The following AGAP1 variants were observed in gnomAD, a reference collection of about 807,000 sequenced individuals.
AGAP1 encodes ArfGAP with GTPase domain, ankyrin repeat and PH domain 1, also known as arf-GAP with GTPase, ANK repeat and PH domain-containing protein 1.
A neutral mutation model predicts 105.3 loss-of-function variants in AGAP1; 29 were observed. The ratio of observed to expected loss-of-function variants is 0.28; its 90% CI spans 0.21 to 0.38. AGAP1 has a LOEUF of 0.38. Among genes scored for constraint, AGAP1 ranks in the 10% least tolerant of loss-of-function variants. The pLI is 1.00. For missense variants in AGAP1, 998 were observed against 1,165.1 expected (o/e 0.86, Z 2.09); for synonymous variants, 509 against 485.9 (o/e 1.05, Z -0.63).
intron 12 of AGAP1, among the ~76,000 whole-genome samples, chr2:235,935,367 T>C (rs1486631336): frequency 6.6e-6 from 1 of 152,228 alleles, no homozygotes; most frequent in Non-Finnish European, 1.5e-5. Flanking sequence ...CTTGAGCCTC[T>C]GCATTGAAAA....
At position 235,623,757 on chromosome 2, in the gene AGAP1, A is replaced by C. The variant is rs1574985152; in HGVS notation, c.164-85422A>C. Reference sequence around the variant, plus strand: ...TCTCTGCTTTCAGCCTCCCTAAGCCATTAATTTACATGTCAGATTTTTTTG... The same window carrying C: ...TCTCTGCTTTCAGCCTCCCTAAGCCCTTAATTTACATGTCAGATTTTTTTG... On this transcript the variant is annotated intron_variant, in intron 1 of 17. Transcript: ENST00000304032. The surrounding 1 kb of genome is among the most constrained non-coding windows in gnomAD (Gnocchi z 4.5). 6.6e-6 allele frequency among the ~76,000 whole-genome samples: 1 copy of C among 152,190 alleles called. No individual in the cohort carries two copies. The highest frequency in any genetic ancestry group is 2.4e-5 in the African/African-American group (1 of 41,442).
rs765761872 is a variant in AGAP1 at position 236,036,644 on chromosome 2, G to A, written c.1729G>A (p.Asp577Asn). ...HFEATTYEER[D>N]AWVQAIESQI... ...TGAAGCCACGACGTATGAGGAGCGG[G>A]ACGCCTGGGTCCAAGCCATCGAGAG... The change falls in exon 14 of 18, where the codon GAC (aspartate) becomes AAC (asparagine). Residue 577 changes from aspartate (D) to asparagine (N), a missense_variant. Around this residue, in one of 3 missense-constraint regions of AGAP1, gnomAD observed 735 missense variants for 833.4 expected, o/e 0.88. Coordinates refer to ENST00000304032, the MANE Select transcript of AGAP1 (RefSeq NM_001037131.3). The surrounding 1 kb of genome is among the most constrained non-coding windows in gnomAD (Gnocchi z 5.7). The A allele has an allele frequency of 1.2e-6, 2 of 1,614,238 alleles. No individual in the cohort carries two copies. The highest frequency in any genetic ancestry group is 3.3e-5 in the Admixed American group (2 of 60,030).
chr2:235,590,640 G>GTT (rs200712618), intron 1 of AGAP1, among the ~76,000 whole-genome samples: 29 of 140,324 alleles, frequency 2.1e-4, no homozygotes, highest in African/African-American at 7.7e-4. Context: ...TTTTGTTTCT[G>GTT]TTTTTTTTGT....
chr2:236,057,558 C>G (rs991106313), intron 16 of AGAP1, among the ~76,000 whole-genome samples: 2 of 152,154 alleles, frequency 1.3e-5, no homozygotes, highest in African/African-American at 4.8e-5. Context: ...AGAGCCCCCC[C>G]CTCAACCCCC....
Position 235,699,144 on chromosome 2 carries a change from C to T in AGAP1, c.164-10035C>T, listed in dbSNP as rs553824252. ...GAGGGAAAGAACTGGTCGGGCAGGA[C>T]GTCCCTACATGCCCCCTCCCTTCCC... is the stretch of plus-strand genomic sequence containing the variant. On this transcript the variant is annotated intron_variant, in intron 1 of 17. Coordinates refer to ENST00000304032, the MANE Select transcript of AGAP1 (RefSeq NM_001037131.3). Among the ~76,000 whole-genome samples the T allele has an allele frequency of 5.3e-5, 8 of 151,112 alleles. No homozygotes were observed. In the South Asian group the frequency reaches 6.4e-4, roughly 12 times the overall value.
chr2:235,617,938 C>A (rs1946360754), intron 1 of AGAP1, among the ~76,000 whole-genome samples: 1 of 151,966 alleles, frequency 6.6e-6, no homozygotes. Context: ...ACCTGAGTCT[C>A]CCTTGTGGTG....
intron 12 of AGAP1, among the ~76,000 whole-genome samples, chr2:235,939,232 A>T (rs1463121968): frequency 6.6e-6 from 1 of 152,090 alleles, no homozygotes; most frequent in Non-Finnish European, 1.5e-5. Flanking sequence ...CCCTTGCCTG[A>T]AGGCCCTCTG....
chr2:235,564,065 C>T (rs186105596), intron 1 of AGAP1, among the ~76,000 whole-genome samples: 3 of 152,248 alleles, frequency 2.0e-5, no homozygotes, highest in East Asian at 3.9e-4. Context: ...GAAATGTCAC[C>T]GGACCAGTCA....
chr2:235,942,951 G>A (rs74435261), intron 12 of AGAP1, among the ~76,000 whole-genome samples: 1 of 152,038 alleles, frequency 6.6e-6, no homozygotes, highest in African/African-American at 2.4e-5. Context: ...TAATTAGCTG[G>A]GCCTAGTGGT....
In AGAP1 at chr2:235,994,224, C is replaced by T. The variant is rs764825391; in HGVS notation, c.1645+25601C>T. Among the ~76,000 whole-genome samples, 20 of 152,184 alleles carry T rather than the reference C, an allele frequency of 1.3e-4. No homozygotes were observed. The highest frequency in any genetic ancestry group is 9.2e-4 in the Admixed American group (14 of 15,282). ...TACTCTCATTTTGGCAAGACACCTT[C>T]GTCTTAGAGTGCCTACATCCATTTC... is the stretch of plus-strand genomic sequence containing the variant. On this transcript the variant is annotated intron_variant, in intron 13 of 17. Transcript: ENST00000304032. This position sits in a 1 kb window ranked among gnomAD's most constrained non-coding sequence, Gnocchi z 4.4.
chr2:235,585,314 T>TAGCTCTGTATCCCTCTGGCCTC (rs1342051511), intron 1 of AGAP1, among the ~76,000 whole-genome samples: 5 of 152,190 alleles, frequency 3.3e-5, no homozygotes. Flanking sequence ...TTCCTGGCCT[T>TAGCTCTGTATCCCTCTGGCCTC]AGCTCTGTAT....
At position 235,504,761 on chromosome 2, in the gene AGAP1, C is replaced by T. The variant is rs562853785; in HGVS notation, c.163+9912C>T. 8.4e-4 allele frequency among the ~76,000 whole-genome samples: 128 copies of T among 152,208 alleles called. 3 individuals carry two copies. In the South Asian group the frequency reaches 0.026, roughly 30 times the overall value. ...TTCATTTTATGACACTCAGGATGGC[C>T]GTTTGTCTCCTTTTGCTGATTTTCA... On this transcript the variant is annotated intron_variant, in intron 1 of 17. Coordinates refer to ENST00000304032, the MANE Select transcript of AGAP1 (RefSeq NM_001037131.3).
At chr2:235,946,999 A>T (rs2053530958) in intron 12 of AGAP1, among the ~76,000 whole-genome samples, 1 of 150,968 alleles carries the variant, frequency 6.6e-6, no homozygotes, top group Non-Finnish European at 1.5e-5. Flanking sequence ...TTTGTCATCT[A>T]CTCCTTCCTT....
chr2:236,024,607 C>CAA (rs200351722), intron 13 of AGAP1, among the ~76,000 whole-genome samples: 1 of 151,810 alleles, frequency 6.6e-6, no homozygotes, highest in African/African-American at 2.4e-5. Flanking sequence ...TAGAATTCCG[C>CAA]AAAAAAATAA....
chr2:235,541,007 G>A (rs1231730695), intron 1 of AGAP1, among the ~76,000 whole-genome samples: 1 of 152,046 alleles, frequency 6.6e-6, no homozygotes, highest in Non-Finnish European at 1.5e-5. Context: ...AGTAATATTT[G>A]CTTATAGTTT....
intron 9 of AGAP1, among the ~76,000 whole-genome samples, chr2:235,833,659 AT>A (rs1233977199): frequency 6.6e-6 from 1 of 152,106 alleles, no homozygotes; most frequent in African/African-American, 2.4e-5. Context: ...CTCAAGAAAT[AT>A]ATCCCGAATG....
At chr2:235,641,672 A>G (rs531680661) in intron 1 of AGAP1, among the ~76,000 whole-genome samples, 1 of 152,298 alleles carries the variant, frequency 6.6e-6, no homozygotes, top group East Asian at 1.9e-4. Context: ...ATTATTTGTT[A>G]CATTTTTAAA....
rs970071089 is a variant in AGAP1, at chr2:236,109,626, C to G, written c.2115-10566C>G. Among the ~76,000 whole-genome samples, 18 of 152,286 alleles carry G rather than the reference C, an allele frequency of 1.2e-4. No individual in the cohort carries two copies. Among genetic ancestry groups the G allele is most frequent in the African/African-American group, 4.3e-4 (18 of 41,566 alleles). On this transcript the variant is annotated intron_variant, in intron 16 of 17. Coordinates refer to ENST00000304032, the MANE Select transcript of AGAP1 (RefSeq NM_001037131.3). The surrounding 1 kb of genome is among the most constrained non-coding windows in gnomAD (Gnocchi z 5.4). ...CCTAGTCGGCAGCAGTGTCGGTGTT[C>G]TAGACCGGCAGCCGTGGGAACGTCC...
intron 16 of AGAP1, among the ~76,000 whole-genome samples, chr2:236,108,478 A>G (rs2125928040): frequency 6.6e-6 from 1 of 152,170 alleles, no homozygotes; most frequent in East Asian, 1.9e-4. Context: ...CCGCTCTGCT[A>G]CAGAATCTCC....
Sources: allele counts gnomAD v4.1 joint callset (sites outside exome capture counted in the v4.1 genomes callset), GRCh38; gene constraint gnomAD v4.1.1; regional missense constraint gnomAD v4.1.1; non-coding constraint Gnocchi (gnomAD v3.1); transcripts MANE v1.5; gene names NCBI Gene and HGNC (gene_info 2026-07-23, HGNC 2026-07-21).